Variants in CSTF3 observed in about 807,000 individuals in gnomAD.
CSTF3 encodes cleavage stimulation factor subunit 3.
CSTF3 carries 29 observed loss-of-function variants against 105.8 expected under a neutral mutation model. The observed-to-expected ratio is 0.27, with a 90% CI of 0.20 to 0.37. The LOEUF (loss-of-function observed/expected upper bound fraction) is 0.37, where lower values mean the gene tolerates loss of function less well. Ranked by LOEUF, CSTF3 falls within the 10% of genes least tolerant of loss-of-function variation. The pLI is 1.00. For missense variants in CSTF3, 357 were observed against 879.3 expected (o/e 0.41, Z 7.51); for synonymous variants, 252 against 281.9 (o/e 0.89, Z 1.06).
At chr11:33,131,600 A>G (rs532213657) in intron 3 of CSTF3, among the ~76,000 whole-genome samples, 1 of 152,204 alleles carries the variant, frequency 6.6e-6, no homozygotes, top group Non-Finnish European at 1.5e-5. Flanking sequence ...TAATCCCCGC[A>G]CTTTGGGAGG....
At chr11:33,159,016 T>A (rs1849902113) in intron 1 of CSTF3, among the ~76,000 whole-genome samples, 1 of 151,962 alleles carries the variant, frequency 6.6e-6, no homozygotes, top group Non-Finnish European at 1.5e-5. Flanking sequence ...TTGGGACAAA[T>A]GGGGAAATTT....
At chr11:33,101,649 C>T (rs370578102) in intron 10 of CSTF3, among the ~76,000 whole-genome samples, 2 of 152,114 alleles carry the variant, frequency 1.3e-5, no homozygotes, top group African/African-American at 4.8e-5. Flanking sequence ...AATCTACAGT[C>T]TTTACAATGT....
chr11:33,127,091 G>A (rs1229665118), intron 3 of CSTF3, among the ~76,000 whole-genome samples: 1 of 152,160 alleles, frequency 6.6e-6, no homozygotes, highest in African/African-American at 2.4e-5. Context: ...AAGCCCTAAG[G>A]GAGGAATGTC....
chr11:33,144,749 G>C (rs139498078), intron 1 of CSTF3: 4,887 of 153,118 alleles, frequency 0.032, 100 homozygotes, highest in South Asian at 0.065. Context: ...AGGCCGAGAC[G>C]GGAGGATTCC....
intron 15 of CSTF3, 55 bp downstream of exon 15, chr11:33,096,251 T>C (rs1855221932): frequency 2.5e-6 from 3 of 1,198,174 alleles, no homozygotes; most frequent in African/African-American, 3.2e-5. Flanking sequence ...TCTAGCAACA[T>C]AATTCCACAT....
intron 2 of CSTF3, 23 bp from the exon 3 acceptor site, chr11:33,141,785 A>G: frequency 6.3e-7 from 1 of 1,583,850 alleles, no homozygotes; most frequent in Non-Finnish European, 8.5e-7. Flanking sequence ...ACCAATAAAC[A>G]GCATTTACAA....
intron 15 of CSTF3, among the ~76,000 whole-genome samples, chr11:33,093,410 T>C (rs1267878099): frequency 6.6e-6 from 1 of 152,192 alleles, no homozygotes; most frequent in African/African-American, 2.4e-5. Context: ...TTATCTTTCT[T>C]TACCTGGCTA....
intron 3 of CSTF3, among the ~76,000 whole-genome samples, chr11:33,125,850 G>A (rs188498379): frequency 2.0e-5 from 3 of 152,034 alleles, no homozygotes; most frequent in Non-Finnish European, 2.9e-5. Flanking sequence ...ATCTCCTCGC[G>A]TTCCTTTTTT....
intron 3 of CSTF3, among the ~76,000 whole-genome samples, chr11:33,129,376 G>A (rs394634): frequency 0.56 from 84,308 of 151,226 alleles, 26,031 homozygotes; most frequent in Non-Finnish European, 0.69. Flanking sequence ...ACAGGCATGA[G>A]CCACCAAGCC....
chr11:33,144,494 G>A (rs1855754498), intron 1 of CSTF3, among the ~76,000 whole-genome samples: 1 of 152,144 alleles, frequency 6.6e-6, no homozygotes, highest in African/African-American at 2.4e-5. Context: ...AAGGTGGCAT[G>A]TTCAAATCAG....
At chr11:33,136,609 C>T (rs1469614727) in intron 3 of CSTF3, among the ~76,000 whole-genome samples, 1 of 151,878 alleles carries the variant, frequency 6.6e-6, no homozygotes, top group African/African-American at 2.4e-5. Context: ...AAAGGAAAGT[C>T]AATTGCCACC....
At chr11:33,116,392 T>TA (rs1269520521) in intron 3 of CSTF3, among the ~76,000 whole-genome samples, 1 of 152,144 alleles carries the variant, frequency 6.6e-6, no homozygotes, top group Non-Finnish European at 1.5e-5. Flanking sequence ...CTCTATGTCC[T>TA]ATAAGATTCA....
chr11:33,154,013 G>A (rs1386241640), intron 1 of CSTF3, among the ~76,000 whole-genome samples: 4 of 152,088 alleles, frequency 2.6e-5, no homozygotes, highest in Non-Finnish European at 5.9e-5. Flanking sequence ...AGGTGGGCAG[G>A]AAAAATCAGT....
At position 33,101,567 on chromosome 11, in the gene CSTF3, A is replaced by G. The variant is rs910112043; in HGVS notation, c.826+610T>C. Among the ~76,000 whole-genome samples, 16 of 152,246 alleles carry G rather than the reference A, an allele frequency of 1.1e-4. No homozygotes were observed. In the South Asian group the frequency reaches 1.4e-3, roughly 14 times the overall value. ...TCATAGTATAAAACTAAGCCTCCAC[A>G]AAGTCCAAGTAATCTGACAGTAGTA... On this transcript the variant is annotated intron_variant, in intron 10 of 20. Transcript: ENST00000323959.
intron 3 of CSTF3, among the ~76,000 whole-genome samples, chr11:33,133,415 G>C (rs957735953): frequency 1.3e-5 from 2 of 152,178 alleles, no homozygotes; most frequent in African/African-American, 4.8e-5. Context: ...GTCAACACCT[G>C]AACCACATCA....
intron 10 of CSTF3, 65 bp downstream of exon 10, chr11:33,102,112 C>A: frequency 1.4e-6 from 2 of 1,402,632 alleles, no homozygotes; most frequent in South Asian, 1.2e-5. Context: ...TTTTAGTAAC[C>A]TATGGGGATA....
chr11:33,153,997 G>C (rs1849823153), intron 1 of CSTF3, among the ~76,000 whole-genome samples: 1 of 152,116 alleles, frequency 6.6e-6, no homozygotes, highest in Non-Finnish European at 1.5e-5. Flanking sequence ...TATGGGGGTG[G>C]GGAGCAGGTG....
At chr11:33,096,493 A>G in intron 14 of CSTF3, 85 bp from the exon 15 acceptor site, 2 of 800,156 alleles carry the variant, frequency 2.5e-6, no homozygotes, top group East Asian at 2.7e-5. Context: ...ATACCTACAT[A>G]TGACAAAATA....
intron 1 of CSTF3, among the ~76,000 whole-genome samples, chr11:33,143,397 G>A (rs1013416407): frequency 3.9e-5 from 6 of 152,116 alleles, no homozygotes; most frequent in Admixed American, 2.6e-4. Context: ...TTCTCAAATT[G>A]TTGTTCAGAA....
Sources: gnomAD v4.1 joint callset for allele counts (sites outside exome capture counted in the v4.1 genomes callset) on GRCh38, gnomAD v4.1.1 for gene constraint, MANE v1.5 for transcripts, NCBI Gene and HGNC (gene_info 2026-07-23, HGNC 2026-07-21) for gene names.